Variants in BRD9 observed in about 807,000 individuals in gnomAD.
BRD9 encodes bromodomain containing 9, also known as bromodomain-containing protein 9.
BRD9 carries 47 observed loss-of-function variants against 68.7 expected under a neutral mutation model. The observed-to-expected ratio is 0.68, with a 90% CI of 0.54 to 0.87. The LOEUF is 0.87. BRD9 is among the 40% of genes least tolerant of loss of function. The pLI is 0.00. For missense variants in BRD9, 670 were observed against 748.4 expected, an observed-to-expected ratio of 0.90 and a Z score of 1.22; for synonymous variants, 313 against 293.9, an observed-to-expected ratio of 1.06 and a Z score of -0.67.
chr5:886,968 C>G (rs1347282319), intron 6 of BRD9: 1 of 556,488 alleles, frequency 1.8e-6, no homozygotes, highest in Non-Finnish European at 3.2e-6. Flanking sequence ...TTTACCTTCT[C>G]CTACGTGGGA....
At chr5:873,518 C>A (rs1172675167) in intron 12 of BRD9, among the ~76,000 whole-genome samples, 2 of 152,180 alleles carry the variant, frequency 1.3e-5, no homozygotes, top group African/African-American at 4.8e-5. Context: ...CCTTCTAGGC[C>A]AAGCCGACAT....
chr5:877,386 A>G (rs1219285598), intron 11 of BRD9, among the ~76,000 whole-genome samples: 3 of 152,152 alleles, frequency 2.0e-5, no homozygotes, highest in Non-Finnish European at 4.4e-5. Flanking sequence ...CGTTTACTTC[A>G]TTTTTTGCTA....
At chr5:887,742 G>A (rs906155122) in intron 5 of BRD9, among the ~76,000 whole-genome samples, 3 of 152,198 alleles carry the variant, frequency 2.0e-5, no homozygotes, top group African/African-American at 7.2e-5. Flanking sequence ...TGAGGAAAAA[G>A]CGTTTCCTGC....
At chr5:887,758 T>C (rs952511261) in intron 5 of BRD9, among the ~76,000 whole-genome samples, 1 of 152,232 alleles carries the variant, frequency 6.6e-6, no homozygotes, top group African/African-American at 2.4e-5. Context: ...CCTGCGCTTC[T>C]TGCATTTCTC....
chr5:883,862 C>T, intron 8 of BRD9, 76 bp downstream of exon 8: 1 of 1,563,060 alleles, frequency 6.4e-7, no homozygotes, highest in Non-Finnish European at 8.6e-7. Context: ...GATCACACAG[C>T]ACCAACCCAG....
chr5:891,858 C>A lies in BRD9; in HGVS notation c.53-4G>T. The A allele has an allele frequency of 1.3e-6, 2 of 1,550,438 alleles. No homozygotes were observed. The highest frequency in any genetic ancestry group is 8.7e-7 in the Non-Finnish European group (1 of 1,146,852). On this transcript the variant is annotated splice_region_variant and splice_polypyrimidine_tract_variant and intron_variant, in intron 1 of 15. Transcript: ENST00000467963. ...TCCAGGGGCTTGTCGGCATAATCTG[C>A]ACAGACACAGACCGAGTTCTACCCG...
chr5:869,350 T>C (rs1749805715), intron 14 of BRD9: 1 of 456,120 alleles, frequency 2.2e-6, no homozygotes, highest in Non-Finnish European at 4.4e-6. Context: ...AGACACCAAA[T>C]TCCGATCCGA....
Position 874,324 on chromosome 5 carries a change from T to TA in BRD9, c.1383+1776dup, listed in dbSNP as rs552859975. ...ATTCAATTAACTAATGCATTTTACT[T>TA]AGACAAATTTATTGAAGATGTTTTT... On this transcript the variant is annotated intron_variant, in intron 12 of 15. Coordinates refer to ENST00000467963, the MANE Select transcript of BRD9 (RefSeq NM_023924.5). Among the ~76,000 whole-genome samples, 226 of 152,362 alleles carry TA rather than the reference T, an allele frequency of 1.5e-3. 2 individuals carry two copies. The highest frequency in any genetic ancestry group is 6.8e-3 in the Middle Eastern group (2 of 294).
chr5:885,655 C>T (rs62330202), intron 7 of BRD9, among the ~76,000 whole-genome samples: 2,736 of 152,292 alleles, frequency 0.018, 48 homozygotes, highest in Non-Finnish European at 0.025. Context: ...CTGGGAAGAC[C>T]GCGAGCCACA....
intron 4 of BRD9, 41 bp downstream of exon 4, chr5:889,546 A>AC (rs751535494): frequency 2.2e-5 from 36 of 1,600,950 alleles, no homozygotes; most frequent in African/African-American, 1.1e-4. Context: ...ATGACACCAC[A>AC]CCCCCCCAGA....
At chr5:888,947 G>A in intron 5 of BRD9, 74 bp downstream of exon 5, 1 of 1,461,846 alleles carries the variant, frequency 6.8e-7, no homozygotes, top group African/African-American at 1.4e-5. Flanking sequence ...ATGATCTAAG[G>A]TGAATGAAGT....
In BRD9 at chr5:881,099, G is replaced by A; in HGVS notation, c.1042+8C>T. On this transcript the variant is annotated splice_region_variant and intron_variant, in intron 9 of 15. Transcript: ENST00000467963. ...AGAGCATAAAGCCAGCCCTGAGCGGGCACCCACCATCAGCGTCCGGCTCGG... is the reference window on the plus strand; with the variant it reads ...AGAGCATAAAGCCAGCCCTGAGCGGACACCCACCATCAGCGTCCGGCTCGG... 6.2e-7 allele frequency: 1 copy of A among 1,613,750 alleles called. No individual in the cohort carries two copies. The highest frequency in any genetic ancestry group is 8.5e-7 in the Non-Finnish European group (1 of 1,179,872).
In BRD9 at chr5:878,225, C is replaced by T. The variant is rs1471641871; in HGVS notation, c.1271+130G>A. 5 of 1,350,558 alleles carry T rather than the reference C, an allele frequency of 3.7e-6. No homozygotes were observed. In the Admixed American group the frequency reaches 8.1e-5, roughly 22 times the overall value. 83.7% of individuals were successfully genotyped at this position (1,350,558 alleles called of 1,614,324 possible). Reference sequence around the variant, plus strand: ...TGGATGACTGAAAGCAACGGGAAGACCCAGGCTGCCATATGGACGGCTGCA... The same window carrying T: ...TGGATGACTGAAAGCAACGGGAAGATCCAGGCTGCCATATGGACGGCTGCA... On this transcript the variant is annotated intron_variant, in intron 11 of 15. Coordinates refer to ENST00000467963, the MANE Select transcript of BRD9 (RefSeq NM_023924.5).
intron 5 of BRD9, among the ~76,000 whole-genome samples, chr5:888,660 T>C (rs1348724426): frequency 3.3e-5 from 5 of 152,232 alleles, no homozygotes; most frequent in African/African-American, 1.2e-4. Flanking sequence ...TCAATTAGTG[T>C]AAGACAAAAC....
At chr5:881,401 CTG>C (rs1751732872) in intron 8 of BRD9, 2 of 594,362 alleles carry the variant, frequency 3.4e-6, no homozygotes, top group African/African-American at 3.7e-5. Context: ...CCCCATGGCC[CTG>C]CTATAGGGGG....
chr5:872,116 G>A (rs960729874), intron 12 of BRD9, among the ~76,000 whole-genome samples: 6 of 152,374 alleles, frequency 3.9e-5, no homozygotes, highest in African/African-American at 7.2e-5. Flanking sequence ...GGGCCGGGCC[G>A]TGCATTGTCT....
At chr5:888,467 G>A (rs1560928624) in intron 5 of BRD9, 1 of 152,298 alleles carries the variant, frequency 6.6e-6, no homozygotes, top group Non-Finnish European at 1.5e-5. Context: ...ACCTAAGAGA[G>A]AAATCTAATG....
At chr5:866,167 T>C (rs746617440) in intron 14 of BRD9, 1 of 152,332 alleles carries the variant, frequency 6.6e-6, no homozygotes, top group Non-Finnish European at 1.5e-5. Flanking sequence ...CTCCCCGGGG[T>C]GACTCTGGGC....
chr5:869,228 A>G, intron 14 of BRD9: 1 of 436,718 alleles, frequency 2.3e-6, no homozygotes, highest in South Asian at 1.6e-5. Flanking sequence ...CATGATGTGA[A>G]GCGGGACTGG....
Sources: allele counts gnomAD v4.1 joint callset (sites outside exome capture counted in the v4.1 genomes callset), GRCh38; gene constraint gnomAD v4.1.1; transcripts MANE v1.5; gene names NCBI Gene and HGNC (gene_info 2026-07-23, HGNC 2026-07-21).